The following GLYR1 variants were observed in gnomAD, a reference collection of about 807,000 sequenced individuals.
GLYR1 encodes the protein cytokine-like nuclear factor N-PAC.
In GLYR1, 21 loss-of-function variants were observed where a neutral mutation model predicts 72.7. That is an observed-to-expected ratio of 0.29 (90% confidence interval 0.20 to 0.42). GLYR1 has a LOEUF of 0.42. GLYR1 is among the 10% of genes least tolerant of loss of function. The probability of loss-of-function intolerance (pLI) is 1.00; values close to 1 mark genes in which losing one functional copy is unlikely to be tolerated. For synonymous variants in GLYR1, 392 were observed against 270.2 expected (o/e 1.45, Z -4.42); for missense variants, 594 against 712.1 (o/e 0.83, Z 1.89).
At chr16:4,809,907 G>C (rs946345117) in intron 15 of GLYR1, among the ~76,000 whole-genome samples, 1 of 151,612 alleles carries the variant, frequency 6.6e-6, no homozygotes, top group Admixed American at 6.6e-5. Flanking sequence ...CTGGGCGAAA[G>C]AGCAAAACTC....
chr16:4,846,352 C>T (rs576699757), intron 1 of GLYR1, 142 bp from the exon 2 acceptor site: 6 of 881,376 alleles, frequency 6.8e-6, no homozygotes, highest in Admixed American at 3.7e-5. Flanking sequence ...CTGGGCCCAA[C>T]ACCCTCAGAA....
chr16:4,836,435 A>T (rs549957804), intron 3 of GLYR1, among the ~76,000 whole-genome samples: 1 of 152,314 alleles, frequency 6.6e-6, no homozygotes, highest in African/African-American at 2.4e-5. Flanking sequence ...TTTCAGCCCA[A>T]TTGTGGCTGG....
chr16:4,811,524 G>T, intron 14 of GLYR1, 99 bp downstream of exon 14: 1 of 1,449,358 alleles, frequency 6.9e-7, no homozygotes, highest in Non-Finnish European at 9.5e-7. Context: ...GTCAGGGACT[G>T]ACTGGGGAGG....
chr16:4,830,342 G>C (rs749234439), intron 5 of GLYR1, among the ~76,000 whole-genome samples: 5 of 151,604 alleles, frequency 3.3e-5, no homozygotes, highest in African/African-American at 4.8e-5. Context: ...TTGCAGGTAT[G>C]AGACACCACA....
intron 3 of GLYR1, among the ~76,000 whole-genome samples, chr16:4,834,548 C>T (rs1410766586): frequency 1.3e-5 from 2 of 151,944 alleles, no homozygotes; most frequent in Non-Finnish European, 2.9e-5. Context: ...CTGCGACCTC[C>T]GCCTCCACCT....
At chr16:4,819,315 T>C (rs961850340) in intron 9 of GLYR1, among the ~76,000 whole-genome samples, 1 of 151,996 alleles carries the variant, frequency 6.6e-6, no homozygotes, top group African/African-American at 2.4e-5. Flanking sequence ...ACCCAGCCTT[T>C]TTTCTTTTTT....
At chr16:4,809,933 C>G (rs558797600) in intron 15 of GLYR1, among the ~76,000 whole-genome samples, 136 of 147,680 alleles carry the variant, frequency 9.2e-4, no homozygotes, top group African/African-American at 3.4e-3. Flanking sequence ...CCAAAAAAAA[C>G]AAAAAAACAA....
chr16:4,818,478 T>C (rs2141976853), intron 9 of GLYR1, among the ~76,000 whole-genome samples: 1 of 152,140 alleles, frequency 6.6e-6, no homozygotes, highest in Admixed American at 6.5e-5. Flanking sequence ...AGATGGGCTT[T>C]TGCCATGTTA....
In GLYR1 at chr16:4,821,805, C is replaced by T. The variant is rs186885525; in HGVS notation, c.682-208G>A. The T allele has an allele frequency of 2.3e-3, 1,424 of 617,474 alleles. 18 individuals are homozygous for T. Among genetic ancestry groups the T allele is most frequent in the Non-Finnish European group, 3.4e-4 (118 of 348,348 alleles). The allele number at this position is 617,474 out of a possible 1,614,324, so 38.2% of individuals were successfully genotyped here. Reference sequence around the variant, plus strand: ...CAATTCTACCAGGTCTTTTTGCTGACCATGGTGTTGAGAATAAGAGTCATA... The same window carrying T: ...CAATTCTACCAGGTCTTTTTGCTGATCATGGTGTTGAGAATAAGAGTCATA... On this transcript the variant is annotated intron_variant, in intron 7 of 15. Coordinates refer to ENST00000321919, the MANE Select transcript of GLYR1 (RefSeq NM_032569.4).
Position 4,810,780 on chromosome 16 carries a change from T to G in GLYR1, c.1587+390A>C, listed in dbSNP as rs148093925. Among the ~76,000 whole-genome samples, 963 of 137,512 alleles carry G rather than the reference T, an allele frequency of 7.0e-3. 12 individuals are homozygous for G. The highest frequency in any genetic ancestry group is 8.4e-3 in the Middle Eastern group (2 of 238). The allele number at this position is 137,512 out of a possible 152,430, so 90.2% of individuals were successfully genotyped here. On this transcript the variant is annotated intron_variant, in intron 15 of 15. Transcript: ENST00000321919. The stretch of plus-strand genomic sequence containing the variant: ...AGCCTGAGGCGACAGAGCAAGACTC[T>G]GTCTCAAAATAAAAGAAAAAGAAAA...
At chr16:4,842,212 C>G (rs1217785581) in intron 3 of GLYR1, among the ~76,000 whole-genome samples, 1 of 151,656 alleles carries the variant, frequency 6.6e-6, no homozygotes, top group Admixed American at 6.6e-5. Flanking sequence ...CCACTGCACT[C>G]CAGCCTGGGC....
intron 13 of GLYR1, 31 bp downstream of exon 13, chr16:4,812,055 G>T: frequency 6.3e-7 from 1 of 1,598,176 alleles, no homozygotes; most frequent in Non-Finnish European, 8.5e-7. Context: ...GTGGCCCCAG[G>T]CTCCAGGCCT....
chr16:4,821,320 C>T (rs1012182923), intron 9 of GLYR1, 60 bp downstream of exon 9: 33 of 1,569,704 alleles, frequency 2.1e-5, no homozygotes, highest in Non-Finnish European at 2.5e-5. Context: ...CCTGGGGTCA[C>T]CTTCTCCCCA....
intron 15 of GLYR1, among the ~76,000 whole-genome samples, chr16:4,807,134 C>T (rs1472015169): frequency 6.3e-4 from 62 of 98,172 alleles, no homozygotes; most frequent in South Asian, 1.4e-3. Context: ...TTTTTTGAGA[C>T]GGAGTCTTGG....
At position 4,821,436 on chromosome 16, in the gene GLYR1, G is replaced by A. The variant is rs192000770; in HGVS notation, c.750C>T (p.Ser250=). 6.2e-6 allele frequency: 10 copies of A among 1,613,938 alleles called. No individual in the cohort carries two copies. In the East Asian group the frequency reaches 2.0e-4, roughly 32 times the overall value. The change falls in exon 9 of 16, where the codon TCC becomes TCT. Residue 250 remains serine, a synonymous_variant. Transcript: ENST00000321919. The stretch of plus-strand genomic sequence containing the variant: ...CGGCTGTGCTGTCAGCTGCCTGGAT[G>A]GAGGTGGAGCCAGTTTCCTACGGAC... ...KICEEETGST[S]IQAADSTAVN... is the part of the protein sequence containing the mutation.
intron 1 of GLYR1, chr16:4,846,592 G>T: frequency 7.3e-6 from 2 of 274,788 alleles, no homozygotes; most frequent in South Asian, 7.6e-5. Context: ...TCCTCTGGGT[G>T]GAGAAACAAG....
At chr16:4,821,817 G>C (rs562295558) in intron 7 of GLYR1, among the ~76,000 whole-genome samples, 1 of 152,346 alleles carries the variant, frequency 6.6e-6, no homozygotes, top group African/African-American at 2.4e-5. Flanking sequence ...ATGGTGTTGA[G>C]AATAAGAGTC....
At chr16:4,816,874 C>T (rs1416294796) in intron 10 of GLYR1, among the ~76,000 whole-genome samples, 1 of 151,536 alleles carries the variant, frequency 6.6e-6, no homozygotes, top group Non-Finnish European at 1.5e-5. Flanking sequence ...GTAATCCCAG[C>T]TACTTGGGAG....
At chr16:4,821,343 C>G (rs2084011574) in intron 9 of GLYR1, 37 bp downstream of exon 9, 2 of 1,607,650 alleles carry the variant, frequency 1.2e-6, no homozygotes, top group Admixed American at 1.7e-5. Context: ...CTCAGCAGAA[C>G]CAGAGCCACT....
Sources: gnomAD v4.1 joint callset for allele counts (sites outside exome capture counted in the v4.1 genomes callset) on GRCh38, gnomAD v4.1.1 for gene constraint, MANE v1.5 for transcripts, NCBI Gene and HGNC (gene_info 2026-07-23, HGNC 2026-07-21) for gene names.